The following VPS9D1 variants were observed in gnomAD, a reference collection of about 807,000 sequenced individuals.
VPS9D1 encodes the protein VPS9 domain-containing protein 1.
A neutral mutation model predicts 75.8 loss-of-function variants in VPS9D1; 78 were observed. The ratio of observed to expected loss-of-function variants is 1.03; its 90% CI spans 0.86 to 1.24. The LOEUF (loss-of-function observed/expected upper bound fraction) is 1.24, where lower values mean the gene tolerates loss of function less well. VPS9D1 is among the 50% of genes most tolerant of loss of function. The pLI is 0.00. For synonymous variants in VPS9D1, 481 were observed against 385.6 expected (o/e 1.25, Z -2.90); for missense variants, 1,057 against 847.7 (o/e 1.25, Z -3.07).
chr16:89,718,156 C>T (rs978883697), intron 2 of VPS9D1: 7 of 428,868 alleles, frequency 1.6e-5, no homozygotes, highest in Non-Finnish European at 4.7e-6. Context: ...GTGTTCATTG[C>T]GGAACTTGCT....
intron 10 of VPS9D1, among the ~76,000 whole-genome samples, chr16:89,710,114 C>T (rs901788382): frequency 5.9e-5 from 9 of 152,220 alleles, no homozygotes; most frequent in African/African-American, 2.2e-4. Context: ...GGGCCAGCAG[C>T]CTGAGAAGAA....
intron 14 of VPS9D1, 110 bp downstream of exon 14, chr16:89,708,317 G>A (rs777224053): frequency 1.8e-5 from 19 of 1,077,032 alleles, no homozygotes; most frequent in Admixed American, 2.2e-5. Context: ...TGGCTGTGAC[G>A]GAGCCACACG....
intron 4 of VPS9D1, 99 bp downstream of exon 4, chr16:89,716,363 C>G: frequency 9.0e-6 from 14 of 1,563,738 alleles, no homozygotes; most frequent in Non-Finnish European, 1.2e-5. Flanking sequence ...GAGACTCTGT[C>G]TCAAAAAACA....
chr16:89,715,190 A>G (rs910085917), intron 4 of VPS9D1, among the ~76,000 whole-genome samples: 7 of 150,548 alleles, frequency 4.6e-5, no homozygotes, highest in African/African-American at 9.8e-5. Flanking sequence ...TTCTACATAT[A>G]TATAGATATA....
chr16:89,710,830 G>T lies in VPS9D1; in HGVS notation c.1014C>A (p.Pro338=). Reference sequence around the variant, plus strand: ...GGGGCCGCGGGGCTGCGCTGGGCTCGGGCGGGGACAGCATGCAATGGAGGC... The same window carrying T: ...GGGGCCGCGGGGCTGCGCTGGGCTCTGGCGGGGACAGCATGCAATGGAGGC... ...SQSLHCMLSP[P]EPSAAPRPQD... Residue 338 remains proline (P), a synonymous_variant, in exon 10 of 15, where the codon CCC becomes CCA. Coordinates refer to ENST00000389386, the MANE Select transcript of VPS9D1 (RefSeq NM_004913.3). 1.4e-5 allele frequency: 21 copies of T among 1,530,302 alleles called. No homozygotes were observed. The highest frequency in any genetic ancestry group is 1.9e-5 in the Non-Finnish European group (21 of 1,134,492). 94.8% of individuals were successfully genotyped at this position (1,530,302 alleles called of 1,614,324 possible). A position where few individuals can be genotyped will look rare whatever the true frequency, so the allele number is the denominator to read the frequency against.
chr16:89,717,318 T>G, intron 2 of VPS9D1: 1 of 348,566 alleles, frequency 2.9e-6, no homozygotes, highest in East Asian at 7.6e-5. Context: ...CCTTTAGTGC[T>G]CACTCAGCTT....
rs532991486 is a variant in VPS9D1, at chr16:89,711,716, C to T, written c.747+166G>A. ...TCGCTCTGCCCCGCCCCACGCAGCC[C>T]TGGCCCCGCCCCCTCACCGGGCCCT... On this transcript the variant is annotated intron_variant, in intron 8 of 14. Coordinates refer to ENST00000389386, the MANE Select transcript of VPS9D1 (RefSeq NM_004913.3). The T allele has an allele frequency of 2.4e-5, 21 of 891,172 alleles. No individual in the cohort carries two copies. The South Asian group carries it at 3.4e-4, about 14-fold the overall frequency. 55.2% of individuals were successfully genotyped at this position (891,172 alleles called of 1,614,324 possible). A position where few individuals can be genotyped will look rare whatever the true frequency, so the allele number is the denominator to read the frequency against.
intron 2 of VPS9D1, 53 bp from the exon 3 acceptor site, chr16:89,716,875 C>A: frequency 1.3e-6 from 2 of 1,491,808 alleles, no homozygotes; most frequent in Non-Finnish European, 1.8e-6. Flanking sequence ...CTGTTACTTA[C>A]TGCTGAGATA....
intron 2 of VPS9D1, 61 bp downstream of exon 2, chr16:89,718,966 T>G (rs987295882): frequency 4.8e-6 from 7 of 1,449,460 alleles, no homozygotes; most frequent in African/African-American, 1.4e-5. Context: ...AGCCCGCCTC[T>G]GCCTCCCACA....
intron 2 of VPS9D1, chr16:89,717,678 C>G (rs757652977): frequency 2.2e-6 from 1 of 456,450 alleles, no homozygotes; most frequent in South Asian, 1.5e-5. Flanking sequence ...TTGCCAGACA[C>G]GGTGGGCCAC....
chr16:89,711,131 G>T, intron 9 of VPS9D1, 121 bp from the exon 10 acceptor site: 1 of 1,249,772 alleles, frequency 8.0e-7, no homozygotes, highest in Non-Finnish European at 1.1e-6. Context: ...GTGAATGTTG[G>T]AAAGTCTGCC....
chr16:89,714,733 TTTTC>T (rs1346069264), intron 4 of VPS9D1, among the ~76,000 whole-genome samples: 2 of 152,176 alleles, frequency 1.3e-5, no homozygotes, highest in African/African-American at 2.4e-5. Flanking sequence ...CTCTCTCCCA[TTTTC>T]TTTCTTCTTT....
intron 2 of VPS9D1, chr16:89,717,449 G>T (rs1351786002): frequency 4.9e-6 from 2 of 411,328 alleles, no homozygotes; most frequent in Admixed American, 2.6e-5. Flanking sequence ...CCGTAGCTTG[G>T]CATGGAGCAC....
chr16:89,710,314 G>A (rs750377049), intron 10 of VPS9D1, among the ~76,000 whole-genome samples: 1 of 152,108 alleles, frequency 6.6e-6, no homozygotes, highest in African/African-American at 2.4e-5. Flanking sequence ...GGCTGGGCGC[G>A]GTGGCTCATG....
In VPS9D1 at chr16:89,716,560, G is replaced by A; in HGVS notation, c.333C>T (p.His111=). ...AAPIPQPAGR[H]RRVYSDEGGK... ...CTCCTTCATCGGAGTATACACGGCG[G>A]TGTCGGCCGGCAGGCTGGGGAATGG... The change falls in exon 4 of 15, where the codon CAC becomes CAT. Residue 111 remains histidine, a synonymous_variant. Transcript: ENST00000389386. The A allele has an allele frequency of 1.2e-6, 2 of 1,614,066 alleles. No individual in the cohort carries two copies. Among genetic ancestry groups the A allele is most frequent in the Non-Finnish European group, 1.7e-6 (2 of 1,179,974 alleles).
intron 1 of VPS9D1, chr16:89,720,547 G>A (rs1202554002): frequency 1.7e-6 from 2 of 1,175,324 alleles, no homozygotes; most frequent in Non-Finnish European, 2.1e-6. Flanking sequence ...CGAGCGGAGT[G>A]GAAAGCCAAG....
Position 89,709,823 on chromosome 16 carries a change from C to T in VPS9D1, c.1342G>A (p.Glu448Lys). The change falls in exon 11 of 15, where the codon GAA becomes AAA. Residue 448 changes from glutamate to lysine, a missense_variant. Transcript: ENST00000389386. ...GGCCACAGCGGGGAGAAAAAGGGTT[C>T]CTCAATGCAGGCCAGGCAGCGGTCC... ...SKDRCLACIEEPFFSPLWPLL... is the reference protein window; with the variant it reads ...SKDRCLACIEKPFFSPLWPLL... 1 of 1,613,708 alleles carries T rather than the reference C, an allele frequency of 6.2e-7. No individual in the cohort carries two copies. Among genetic ancestry groups the T allele is most frequent in the Non-Finnish European group, 8.5e-7 (1 of 1,179,922 alleles).
chr16:89,708,549 C>T lies in VPS9D1; in HGVS notation c.1698-18G>A, dbSNP rs552606176. On this transcript the variant is annotated intron_variant, in intron 13 of 14. Coordinates refer to ENST00000389386, the MANE Select transcript of VPS9D1 (RefSeq NM_004913.3). The stretch of plus-strand genomic sequence containing the variant: ...CGGCACCACTGTCGGGAGGGCATAG[C>T]GGCCTTGGGTTGGGGCCAGGAGCCT... 41 of 1,607,998 alleles carry T rather than the reference C, an allele frequency of 2.5e-5. No individual in the cohort carries two copies. The South Asian group carries it at 4.2e-4, about 17-fold the overall frequency.
rs2060895460 is a variant in VPS9D1, at chr16:89,710,696, A to G, written c.1148T>C (p.Leu383Pro). 3 of 1,609,830 alleles carry G rather than the reference A, an allele frequency of 1.9e-6. No homozygotes were observed. The highest frequency in any genetic ancestry group is 2.5e-6 in the Non-Finnish European group (3 of 1,178,680). ...LPDKDSSFED[L>P]EQFLGTSERQ... Reference sequence around the variant, plus strand: ...CTCAGACGTCCCCAGGAACTGCTCCAGGTCCTCGAACGAGCTGTCCTTGTC... The same window carrying G: ...CTCAGACGTCCCCAGGAACTGCTCCGGGTCCTCGAACGAGCTGTCCTTGTC... The change falls in exon 10 of 15, where the codon CTG becomes CCG. Residue 383 changes from leucine (L) to proline (P), a missense_variant. By Grantham distance (98) the Leu-to-Pro change is moderately conservative. Transcript: ENST00000389386.
Sources: allele counts gnomAD v4.1 joint callset (sites outside exome capture counted in the v4.1 genomes callset), GRCh38; gene constraint gnomAD v4.1.1; transcripts MANE v1.5; gene names NCBI Gene and HGNC (gene_info 2026-07-23, HGNC 2026-07-21).